The following MTERF4 variants were observed in gnomAD, a reference collection of about 807,000 sequenced individuals.
MTERF4 encodes the protein transcription termination factor 4, mitochondrial.
A neutral mutation model predicts 22.5 loss-of-function variants in MTERF4; 17 were observed. That is an observed-to-expected ratio of 0.75 (90% CI 0.52 to 1.13). The LOEUF (loss-of-function observed/expected upper bound fraction) is 1.13, where lower values mean the gene tolerates loss of function less well. MTERF4 is among the 50% of genes most tolerant of loss of function. The pLI is 0.00. For missense variants in MTERF4, 420 were observed against 466.8 expected (o/e 0.90, Z 0.92); for synonymous variants, 165 against 175.3 (o/e 0.94, Z 0.47).
chr2:241,083,816 T>G (rs887167844), downstream of MTERF4, among the ~76,000 whole-genome samples: 2 of 152,174 alleles, frequency 1.3e-5, no homozygotes, highest in Non-Finnish European at 2.9e-5. Flanking sequence ...ATATCTAGTC[T>G]GACAGTCTGG....
At chr2:241,088,736 G>A (rs886099865), downstream of MTERF4, 2 of 335,552 alleles carry the variant, frequency 6.0e-6, no homozygotes, top group Non-Finnish European at 1.1e-5. Flanking sequence ...AGGGGGGTGG[G>A]CCCTTGGAGA....
At chr2:241,071,467 C>A, downstream of MTERF4, 1 of 1,316,236 alleles carries the variant, frequency 7.6e-7, no homozygotes, top group Non-Finnish European at 1.0e-6. Context: ...TGCCCCCCTT[C>A]CCTTCTCCAA....
In MTERF4 at chr2:241,096,660, GGGAGGGAAAAGGGGCA is replaced by G; in HGVS notation, c.706-238_706-223del. 1.4e-6 allele frequency: 1 copy of G among 697,748 alleles called. No homozygotes were observed. Among genetic ancestry groups the G allele is most frequent in the Non-Finnish European group, 2.7e-6 (1 of 374,530 alleles). 43.2% of individuals were successfully genotyped at this position (697,748 alleles called of 1,614,324 possible). On this transcript the variant is annotated intron_variant, in intron 3 of 3. Transcript: ENST00000391980. The surrounding 1 kb of genome is among the most constrained non-coding windows in gnomAD (Gnocchi z 5.1). ...AACATGGAGCAGGAAATAAAGGGGT[GGGAGGGAAAAGGGGCA>G]GGAGGGAGAAGGGGCAGAAGGAAGA...
At chr2:241,060,614 C>T in the MTERF4 span, among the ~76,000 whole-genome samples, 1 of 150,726 alleles carries the variant, frequency 6.6e-6, no homozygotes, top group Non-Finnish European at 1.5e-5. Context: ...GGAATTAAAT[C>T]CAGGTGGATT....
chr2:241,064,354 C>T, the MTERF4 span, among the ~76,000 whole-genome samples: 1 of 152,156 alleles, frequency 6.6e-6, no homozygotes, highest in African/African-American at 2.4e-5. The surrounding 1 kb of genome is among the most constrained non-coding windows in gnomAD (Gnocchi z 7.0). Flanking sequence ...GCTCACCCCC[C>T]AGACACCCCT....
At chr2:241,082,421 A>G, downstream of MTERF4, 9 of 1,374,096 alleles carry the variant, frequency 6.5e-6, no homozygotes, top group Non-Finnish European at 9.3e-6. Flanking sequence ...TTGACTCCTC[A>G]AAGTGCTGTC....
chr2:241,088,264 C>A, downstream of MTERF4: 2 of 833,402 alleles, frequency 2.4e-6, no homozygotes, highest in Non-Finnish European at 4.2e-6. Flanking sequence ...TGTATGTGAG[C>A]TAAAGACAGG....
At chr2:241,069,055 A>G, downstream of MTERF4, 11 of 1,434,660 alleles carry the variant, frequency 7.7e-6, no homozygotes, top group Non-Finnish European at 1.0e-5. The surrounding 1 kb of genome is among the most constrained non-coding windows in gnomAD (Gnocchi z 4.9). Flanking sequence ...CCGGCACACG[A>G]AAGGCCGTCT....
chr2:241,088,980 T>C, downstream of MTERF4: 1 of 268,726 alleles, frequency 3.7e-6, no homozygotes, highest in Non-Finnish European at 7.0e-6. Context: ...TAGGCATTCA[T>C]AAATCCTGAC....
chr2:241,099,372 G>C (rs771952964), intron 2 of MTERF4, 24 bp downstream of exon 2: 7 of 1,599,774 alleles, frequency 4.4e-6, no homozygotes, highest in African/African-American at 1.3e-5. Flanking sequence ...ACCGCACCCA[G>C]CCAAAATCTG....
chr2:241,059,585 C>T, the MTERF4 span, among the ~76,000 whole-genome samples: 2 of 152,194 alleles, frequency 1.3e-5, no homozygotes, highest in Non-Finnish European at 2.9e-5. Flanking sequence ...ATGATACAGT[C>T]ATGACCAAGT....
chr2:241,096,474 C>CA lies in MTERF4; in HGVS notation c.706-37dup. 1 of 1,602,202 alleles carries CA rather than the reference C, an allele frequency of 6.2e-7. No individual in the cohort carries two copies. Among genetic ancestry groups the CA allele is most frequent in the Non-Finnish European group, 8.5e-7 (1 of 1,169,938 alleles). ...CAAACACACTTAGGAGTCCCAGATA[C>CA]AGAGTATTGAAACCTATCATTCTAT... On this transcript the variant is annotated intron_variant, in intron 3 of 3. Transcript: ENST00000391980. This position sits in a 1 kb window ranked among gnomAD's most constrained non-coding sequence, Gnocchi z 5.1.
the MTERF4 span, among the ~76,000 whole-genome samples, chr2:241,058,202 GTC>G: frequency 2.0e-5 from 3 of 152,224 alleles, no homozygotes; most frequent in East Asian, 3.9e-4. Flanking sequence ...ATGAGAGGGT[GTC>G]TCTCAATGAT....
chr2:241,045,178 T>C, the MTERF4 span, among the ~76,000 whole-genome samples: 1 of 152,182 alleles, frequency 6.6e-6, no homozygotes, highest in Non-Finnish European at 1.5e-5. Flanking sequence ...TGGACAGACA[T>C]ACCATGTTCA....
intron 4 of MTERF4, among the ~76,000 whole-genome samples, chr2:241,076,004 A>G (rs1399007483): frequency 2.6e-5 from 4 of 152,222 alleles, no homozygotes; most frequent in Admixed American, 6.5e-5. Flanking sequence ...GGCGGCGTCA[A>G]TTTGATACAT....
At position 241,075,590 on chromosome 2, in the gene MTERF4, T is replaced by C. The variant is rs1329295369; in HGVS notation, n.572A>G. On this transcript the variant is annotated non_coding_transcript_exon_variant, in exon 5 of 5. Coordinates refer to the MTERF4 transcript ENST00000464344. The surrounding 1 kb of genome is among the most constrained non-coding windows in gnomAD (Gnocchi z 4.8). ...TTTTATTCATTTGTCAAAATTCTTA[T>C]ATGTTTTGATACTGATCCTTTGTCA... The C allele has an allele frequency of 6.6e-6, 1 of 152,206 alleles. No individual in the cohort carries two copies. 9.4% of individuals were successfully genotyped at this position (152,206 alleles called of 1,614,324 possible).
downstream of MTERF4, chr2:241,068,955 T>G (rs955218539): frequency 6.4e-7 from 1 of 1,555,948 alleles, no homozygotes; most frequent in Non-Finnish European, 8.7e-7. This position sits in a 1 kb window ranked among gnomAD's most constrained non-coding sequence, Gnocchi z 5.3. Flanking sequence ...CTGACCACCC[T>G]CAGTGGGCTC....
chr2:241,070,442 T>C (rs1310496423), downstream of MTERF4, among the ~76,000 whole-genome samples: 1 of 152,220 alleles, frequency 6.6e-6, no homozygotes, highest in African/African-American at 2.4e-5. Flanking sequence ...GAGCCTCAGT[T>C]TGTGCCGGAC....
the MTERF4 span, chr2:241,051,865 G>A: frequency 3.3e-6 from 5 of 1,532,956 alleles, no homozygotes; most frequent in South Asian, 2.5e-5. This position sits in a 1 kb window ranked among gnomAD's most constrained non-coding sequence, Gnocchi z 4.7. Context: ...AGATCGGTGC[G>A]GCCCCCAGGG....
Sources: gnomAD v4.1 joint callset for allele counts (sites outside exome capture counted in the v4.1 genomes callset) on GRCh38, gnomAD v4.1.1 for gene constraint, Gnocchi (gnomAD v3.1) non-coding constraint, MANE v1.5 for transcripts, NCBI Gene and HGNC (gene_info 2026-07-23, HGNC 2026-07-21) for gene names.